The following SCAPER variants were observed in gnomAD, a reference collection of about 807,000 sequenced individuals.
SCAPER encodes the protein S-phase cyclin A associated protein in the ER, also known as S phase cyclin A-associated protein in the endoplasmic reticulum.
In SCAPER, 98 loss-of-function variants were observed where a neutral mutation model predicts 182.2. The observed-to-expected ratio is 0.54, with a 90% confidence interval of 0.46 to 0.64. The LOEUF (loss-of-function observed/expected upper bound fraction) is 0.64. SCAPER is among the 30% of genes least tolerant of loss of function. SCAPER has a pLI of 0.00. For missense variants in SCAPER, 1,432 were observed against 1,690.0 expected (o/e 0.85, Z 2.68); for synonymous variants, 605 against 564.6 (o/e 1.07, Z -1.01).
intron 26 of SCAPER, among the ~76,000 whole-genome samples, chr15:76,416,705 T>C (rs2045674011): frequency 6.6e-6 from 1 of 152,010 alleles, no homozygotes; most frequent in African/African-American, 2.4e-5. Flanking sequence ...AATAATCAAT[T>C]GTATGAAAAT....
At chr15:76,555,893 T>G (rs547185928) in intron 23 of SCAPER, among the ~76,000 whole-genome samples, 2 of 152,156 alleles carry the variant, frequency 1.3e-5, no homozygotes, top group Non-Finnish European at 2.9e-5. Context: ...CTAATAGACA[T>G]GAACAGAACT....
At chr15:76,733,790 G>A (rs1252133123) in intron 15 of SCAPER, among the ~76,000 whole-genome samples, 1 of 151,204 alleles carries the variant, frequency 6.6e-6, no homozygotes, top group East Asian at 1.9e-4. Context: ...TCTAACAACA[G>A]TCTTTATATA....
chr15:76,899,769 C>T (rs1445569443), intron 1 of SCAPER, among the ~76,000 whole-genome samples: 4 of 147,602 alleles, frequency 2.7e-5, no homozygotes, highest in South Asian at 2.2e-4. Flanking sequence ...CACCTCTGCC[C>T]GGCCGCCCCG....
intron 23 of SCAPER, among the ~76,000 whole-genome samples, chr15:76,535,007 G>T (rs2044009631): frequency 6.6e-6 from 1 of 152,016 alleles, no homozygotes; most frequent in African/African-American, 2.4e-5. Flanking sequence ...GCAAAACATG[G>T]TAATAAATCT....
chr15:76,691,796 C>T (rs1017539997), intron 20 of SCAPER, among the ~76,000 whole-genome samples: 5 of 152,080 alleles, frequency 3.3e-5, no homozygotes, highest in Admixed American at 2.0e-4. Context: ...CTCTTCTGTA[C>T]ACATGATATC....
chr15:76,835,805 C>T (rs1357038128), intron 5 of SCAPER, among the ~76,000 whole-genome samples: 1 of 151,802 alleles, frequency 6.6e-6, no homozygotes, highest in Non-Finnish European at 1.5e-5. Context: ...AGTCTCTGTC[C>T]AAAGGCTCCC....
intron 24 of SCAPER, among the ~76,000 whole-genome samples, chr15:76,474,131 T>G (rs898629103): frequency 6.6e-6 from 1 of 152,164 alleles, no homozygotes; most frequent in African/African-American, 2.4e-5. Flanking sequence ...TTTAAAAATA[T>G]ATGCTTGCCT....
At chr15:76,429,274 A>G (rs527428874) in intron 26 of SCAPER, among the ~76,000 whole-genome samples, 13 of 152,250 alleles carry the variant, frequency 8.5e-5, no homozygotes, top group African/African-American at 2.2e-4. Flanking sequence ...AAACAGACTA[A>G]TACAGTAAAT....
At position 76,710,656 on chromosome 15, in the gene SCAPER, T is replaced by C. The variant is rs80146456; in HGVS notation, c.2166-4672A>G. ...GATCTAAACAGAGAGAAACATCATA[T>C]TCATGGATTGTAATATAAAATATTG... On this transcript the variant is annotated intron_variant, in intron 17 of 31. Transcript: ENST00000563290. Among the ~76,000 whole-genome samples the C allele has an allele frequency of 1.5e-3, 232 of 152,226 alleles. 2 individuals carry two copies. The highest frequency in any genetic ancestry group is 5.0e-3 in the African/African-American group (209 of 41,570).
intron 23 of SCAPER, among the ~76,000 whole-genome samples, chr15:76,519,234 A>G (rs1311278551): frequency 6.6e-6 from 1 of 152,276 alleles, no homozygotes; most frequent in East Asian, 1.9e-4. Context: ...AAATACATTT[A>G]GCTTTAAGTC....
chr15:76,809,286 A>T (rs563466624), intron 5 of SCAPER, among the ~76,000 whole-genome samples: 7 of 152,202 alleles, frequency 4.6e-5, no homozygotes, highest in Non-Finnish European at 1.0e-4. Flanking sequence ...CCAGAAACTG[A>T]TCCTAATGAA....
At chr15:76,880,438 T>C (rs918308459) in intron 2 of SCAPER, among the ~76,000 whole-genome samples, 1 of 152,366 alleles carries the variant, frequency 6.6e-6, no homozygotes, top group Non-Finnish European at 1.5e-5. Flanking sequence ...GGTAGGCTTA[T>C]GGGAAATGTA....
chr15:76,889,226 C>A (rs138833438), intron 1 of SCAPER, among the ~76,000 whole-genome samples: 2 of 152,154 alleles, frequency 1.3e-5, no homozygotes, highest in Admixed American at 1.3e-4. Flanking sequence ...CAAAAACATG[C>A]CAAATGGTAA....
chr15:76,735,511 A>G (rs1295376619), intron 15 of SCAPER, among the ~76,000 whole-genome samples: 2 of 150,214 alleles, frequency 1.3e-5, no homozygotes, highest in African/African-American at 2.4e-5. Flanking sequence ...CAGCCTGGCC[A>G]ACACAGTGAA....
chr15:76,367,134 C>G (rs1324505357), intron 29 of SCAPER, among the ~76,000 whole-genome samples: 1 of 152,170 alleles, frequency 6.6e-6, no homozygotes, highest in African/African-American at 2.4e-5. Context: ...TCAGAGCACC[C>G]AGGCTAACTC....
Position 76,688,087 on chromosome 15 carries a change from T to C in SCAPER, c.2508+13671A>G, listed in dbSNP as rs544404630. Reference sequence around the variant, plus strand: ...GTAAAAGCACTCCTATTTCTCCACATCCTCTCCAACATCTGTTGTTTCCTG... The same window carrying C: ...GTAAAAGCACTCCTATTTCTCCACACCCTCTCCAACATCTGTTGTTTCCTG... On this transcript the variant is annotated intron_variant, in intron 20 of 31. Transcript: ENST00000563290. Among the ~76,000 whole-genome samples the C allele has an allele frequency of 3.3e-4, 51 of 152,278 alleles. No individual in the cohort carries two copies. In the East Asian group the frequency reaches 9.8e-3, roughly 29 times the overall value.
chr15:76,866,279 G>A (rs908300938), intron 2 of SCAPER, among the ~76,000 whole-genome samples: 2 of 151,926 alleles, frequency 1.3e-5, no homozygotes, highest in African/African-American at 2.4e-5. Flanking sequence ...GTGTATATCA[G>A]GTCAGAAAAT....
intron 1 of SCAPER, among the ~76,000 whole-genome samples, chr15:76,889,042 A>T (rs749320882): frequency 7.2e-5 from 11 of 152,194 alleles, no homozygotes; most frequent in Admixed American, 2.6e-4. Flanking sequence ...TAAAGAAAAG[A>T]ATTTTCAACC....
In SCAPER at chr15:76,351,386, T is replaced by C. The variant is rs1216598496; in HGVS notation, c.4048-98A>G. ...ATACTTCTGATTCATGCAACCACTTTTGTATGAATATTTTGGGGCCCAAAT... is the reference window on the plus strand; with the variant it reads ...ATACTTCTGATTCATGCAACCACTTCTGTATGAATATTTTGGGGCCCAAAT... On this transcript the variant is annotated intron_variant, in intron 30 of 31. Coordinates refer to ENST00000563290, the MANE Select transcript of SCAPER (RefSeq NM_020843.4). 3.3e-5 allele frequency: 34 copies of C among 1,023,280 alleles called. 1 individual carries two copies. The highest frequency in any genetic ancestry group is 2.9e-5 in the Non-Finnish European group (21 of 720,932). The allele number at this position is 1,023,280 out of a possible 1,614,324, so 63.4% of individuals were successfully genotyped here.
Sources: gnomAD v4.1 joint callset for allele counts (sites outside exome capture counted in the v4.1 genomes callset) on GRCh38, gnomAD v4.1.1 for gene constraint, MANE v1.5 for transcripts, NCBI Gene and HGNC (gene_info 2026-07-23, HGNC 2026-07-21) for gene names.